Variants in MVB12B observed in about 807,000 individuals in gnomAD.
The protein encoded by MVB12B is multivesicular body subunit 12B.
MVB12B carries 16 observed loss-of-function variants against 41.6 expected under a neutral mutation model. The observed-to-expected ratio is 0.38, with a 90% CI of 0.26 to 0.58. The LOEUF (loss-of-function observed/expected upper bound fraction) is 0.58, where lower values mean the gene tolerates loss of function less well. Ranked by LOEUF, MVB12B falls within the 20% of genes least tolerant of loss-of-function variation. The pLI, the probability that MVB12B is intolerant of heterozygous loss-of-function variation, is 0.62. For synonymous variants in MVB12B, 133 were observed against 139.7 expected (o/e 0.95, Z 0.34); for missense variants, 274 against 380.2 (o/e 0.72, Z 2.32).
rs1266654287 is a variant in MVB12B at position 126,376,429 on chromosome 9, G to T, written c.205-4635G>T. On this transcript the variant is annotated intron_variant, in intron 2 of 9. Coordinates refer to ENST00000361171, the MANE Select transcript of MVB12B (RefSeq NM_033446.3). The surrounding 1 kb of genome is among the most constrained non-coding windows in gnomAD (Gnocchi z 4.1). ...CCCCAGTGCCTGGTGACCCTTTGTT[G>T]TGGGTTGGGATTTAAGATGGAGGCA... The T allele has an allele frequency of 9.1e-7, 1 of 1,095,736 alleles. No individual in the cohort carries two copies. The highest frequency in any genetic ancestry group is 5.8e-5 in the East Asian group (1 of 17,166). The allele number at this position is 1,095,736 out of a possible 1,614,324, so 67.9% of individuals were successfully genotyped here.
chr9:126,348,918 C>T (rs1829670430), intron 2 of MVB12B, among the ~76,000 whole-genome samples: 1 of 151,988 alleles, frequency 6.6e-6, no homozygotes, highest in African/African-American at 2.4e-5. Context: ...AAAACGTGCC[C>T]AGGTTTTTGT....
intron 6 of MVB12B, chr9:126,397,277 C>T: frequency 1.0e-6 from 1 of 985,454 alleles, no homozygotes. Context: ...CCAGTTCTCT[C>T]AGATAAAGCA....
intron 2 of MVB12B, among the ~76,000 whole-genome samples, chr9:126,360,503 C>T (rs1434203816): frequency 6.6e-6 from 1 of 152,158 alleles, no homozygotes; most frequent in South Asian, 2.1e-4. Flanking sequence ...GAGTGTGATC[C>T]GTCCTAGTGA....
At chr9:126,396,526 G>T in intron 6 of MVB12B, 3 of 985,486 alleles carry the variant, frequency 3.0e-6, no homozygotes, top group Non-Finnish European at 3.6e-6. Flanking sequence ...TCAGGAACCG[G>T]ACAGAAGAGT....
intron 7 of MVB12B, among the ~76,000 whole-genome samples, chr9:126,462,745 G>C (rs1430491053): frequency 6.6e-6 from 1 of 152,152 alleles, no homozygotes; most frequent in Non-Finnish European, 1.5e-5. Context: ...GTTCATTTGT[G>C]GGACTGCTGA....
intron 9 of MVB12B, among the ~76,000 whole-genome samples, chr9:126,493,419 C>A (rs895574941): frequency 6.6e-6 from 1 of 152,052 alleles, no homozygotes; most frequent in African/African-American, 2.4e-5. Flanking sequence ...ATATTAGTAC[C>A]ACACTATTCT....
rs1830971134 is a variant in MVB12B, at chr9:126,392,041, C to A, written c.410-25C>A. 6.2e-7 allele frequency: 1 copy of A among 1,613,690 alleles called. No homozygotes were observed. The highest frequency in any genetic ancestry group is 2.2e-5 in the East Asian group (1 of 44,874). On this transcript the variant is annotated intron_variant, in intron 4 of 9. Coordinates refer to ENST00000361171, the MANE Select transcript of MVB12B (RefSeq NM_033446.3). This position sits in a 1 kb window ranked among gnomAD's most constrained non-coding sequence, Gnocchi z 4.8. ...TTCTGGTATCTCTGGAAAACTCATA[C>A]CTTTTCTATTGTCCTTTCCTTCAGA... is the stretch of plus-strand genomic sequence containing the variant.
At chr9:126,337,247 C>T (rs1829309535) in intron 1 of MVB12B, among the ~76,000 whole-genome samples, 2 of 152,148 alleles carry the variant, frequency 1.3e-5, no homozygotes, top group African/African-American at 4.8e-5. Context: ...TCGCACCGTG[C>T]CATAGATCAA....
chr9:126,497,115 A>G (rs1223031074), intron 9 of MVB12B, among the ~76,000 whole-genome samples: 2 of 152,148 alleles, frequency 1.3e-5, no homozygotes, highest in African/African-American at 2.4e-5. Flanking sequence ...GTGAGGACAC[A>G]GCAGTGCCCA....
intron 2 of MVB12B, among the ~76,000 whole-genome samples, chr9:126,377,439 A>G (rs1480746117): frequency 1.3e-5 from 2 of 152,156 alleles, no homozygotes; most frequent in African/African-American, 2.4e-5. Context: ...TGAAATGGAT[A>G]TGTGTCTCAG....
chr9:126,487,284 C>T (rs1281809466), intron 9 of MVB12B, among the ~76,000 whole-genome samples: 2 of 152,156 alleles, frequency 1.3e-5, no homozygotes. Flanking sequence ...CTGCTGGCTG[C>T]CACTGTCATC....
chr9:126,480,275 C>T lies in MVB12B; in HGVS notation c.758-1094C>T, dbSNP rs892513121. ...CTGCATGTTCCCGACTCTTCCCAGA[C>T]CTAAGGGAGAAGCCAACACTGGAAA... On this transcript the variant is annotated intron_variant, in intron 7 of 9. Transcript: ENST00000361171. The surrounding 1 kb of genome is among the most constrained non-coding windows in gnomAD (Gnocchi z 4.9). Among the ~76,000 whole-genome samples, 1 of 152,188 alleles carries T rather than the reference C, an allele frequency of 6.6e-6. No homozygotes were observed. Among genetic ancestry groups the T allele is most frequent in the African/African-American group, 2.4e-5 (1 of 41,424 alleles).
At chr9:126,471,973 G>GT (rs375496166) in intron 7 of MVB12B, among the ~76,000 whole-genome samples, 831 of 8,240 alleles carry the variant, frequency 0.1, 6 homozygotes, top group Admixed American at 0.24. Context: ...AATAGAGTCT[G>GT]TTTTTTTTTT....
In MVB12B at chr9:126,374,863, C is replaced by A. The variant is rs115185286; in HGVS notation, c.205-6201C>A. On this transcript the variant is annotated intron_variant, in intron 2 of 9. Coordinates refer to ENST00000361171, the MANE Select transcript of MVB12B (RefSeq NM_033446.3). ...TCATACTATCTTCCATGAGATATTT[C>A]CCCAGCTCTCTTTCAAAGTTAAAAT... Among the ~76,000 whole-genome samples, 187 of 152,316 alleles carry A rather than the reference C, an allele frequency of 1.2e-3. 1 individual carries two copies. The highest frequency in any genetic ancestry group is 4.4e-3 in the African/African-American group (183 of 41,566).
intron 9 of MVB12B, among the ~76,000 whole-genome samples, chr9:126,495,421 T>C (rs1025630568): frequency 6.6e-6 from 1 of 152,358 alleles, no homozygotes; most frequent in South Asian, 2.1e-4. Context: ...CCACAAAATG[T>C]GCTTTCTCCC....
chr9:126,495,460 C>T (rs911154759), intron 9 of MVB12B, among the ~76,000 whole-genome samples: 1 of 152,178 alleles, frequency 6.6e-6, no homozygotes, highest in Non-Finnish European at 1.5e-5. Flanking sequence ...ATAGTTTTCT[C>T]TATCTTTCAT....
chr9:126,413,900 C>T (rs1046401659), intron 6 of MVB12B, among the ~76,000 whole-genome samples: 3 of 150,480 alleles, frequency 2.0e-5, no homozygotes, highest in South Asian at 2.1e-4. Context: ...ACTATGAGTG[C>T]GCCTCTGCCT....
chr9:126,488,344 CAAAAAA>C (rs60489071), intron 9 of MVB12B, among the ~76,000 whole-genome samples: 32,012 of 132,306 alleles, frequency 0.24, 4,102 homozygotes, highest in Non-Finnish European at 0.31. Flanking sequence ...ACCATTAAAC[CAAAAAA>C]AAAAAAAAAA....
chr9:126,411,176 C>T (rs1264917489), intron 6 of MVB12B, among the ~76,000 whole-genome samples: 1 of 152,224 alleles, frequency 6.6e-6, no homozygotes, highest in Non-Finnish European at 1.5e-5. Flanking sequence ...CATGAGCCAC[C>T]ACACCCAGTT....
Sources: allele counts gnomAD v4.1 joint callset (sites outside exome capture counted in the v4.1 genomes callset), GRCh38; gene constraint gnomAD v4.1.1; non-coding constraint Gnocchi (gnomAD v3.1); transcripts MANE v1.5; gene names NCBI Gene and HGNC (gene_info 2026-07-23, HGNC 2026-07-21).